The following PRRC2B variants were observed in gnomAD, a reference collection of about 807,000 sequenced individuals.
PRRC2B encodes the protein proline rich coiled-coil 2B.
In PRRC2B, 68 loss-of-function variants were observed where a neutral mutation model predicts 242.3. The ratio of observed to expected loss-of-function variants is 0.28; its 90% CI spans 0.23 to 0.34. The LOEUF is 0.34. Among genes scored for constraint, PRRC2B ranks in the 10% least tolerant of loss-of-function variants. The pLI is 1.00. For synonymous variants in PRRC2B, 1,228 were observed against 1,173.6 expected (o/e 1.05, Z -0.95); for missense variants, 2,835 against 2,954.8 (o/e 0.96, Z 0.94).
At chr9:131,400,882 G>C (rs2131283149) in intron 1 of PRRC2B, among the ~76,000 whole-genome samples, 1 of 152,132 alleles carries the variant, frequency 6.6e-6, no homozygotes, top group East Asian at 1.9e-4. Flanking sequence ...GACTCCTGGG[G>C]AGATCCTGGT....
chr9:131,406,055 G>C (rs1191115651), intron 1 of PRRC2B, among the ~76,000 whole-genome samples: 1 of 152,182 alleles, frequency 6.6e-6, no homozygotes, highest in Admixed American at 6.5e-5. Context: ...GCTCTCCATA[G>C]ACCGCAGCTA....
chr9:131,497,335 A>G lies in PRRC2B; in HGVS notation c.*1461A>G, dbSNP rs1208851471. 2 of 152,250 alleles carry G rather than the reference A, an allele frequency of 1.3e-5. No homozygotes were observed. Among genetic ancestry groups the G allele is most frequent in the Admixed American group, 1.3e-4 (2 of 15,284 alleles). The allele number at this position is 152,250 out of a possible 1,614,324, so 9.4% of individuals were successfully genotyped here. A position where few individuals can be genotyped will look rare whatever the true frequency, so the allele number is the denominator to read the frequency against. The stretch of plus-strand genomic sequence containing the variant: ...TGCTGGGCTTGTTTTTAAGTAAGAA[A>G]CAAGGAAATCACTCCAGATTCTGTC... On this transcript the variant is annotated 3_prime_UTR_variant, in exon 32 of 32. Transcript: ENST00000683519.
Position 131,482,548 on chromosome 9 carries a change from C to A in PRRC2B, c.5161C>A (p.Pro1721Thr). ...CAGCCACAAGGAGCAGGCTCCAAAG[C>A]CATCTGAGCAGAAGGTAACCTGGAC... ...ADSHKEQAPK[P>T]SEQKDSEQGS... is the part of the protein sequence containing the mutation. The change falls in exon 21 of 32, where the codon CCA becomes ACA. Residue 1721 changes from proline (P) to threonine (T), a missense_variant. Coordinates refer to ENST00000683519, the MANE Select transcript of PRRC2B (RefSeq NM_013318.4). This position sits in a 1 kb window ranked among gnomAD's most constrained non-coding sequence, Gnocchi z 5.2. 1.2e-6 allele frequency: 2 copies of A among 1,601,140 alleles called. No individual in the cohort carries two copies. Among genetic ancestry groups the A allele is most frequent in the Non-Finnish European group, 1.7e-6 (2 of 1,171,620 alleles).
chr9:131,432,010 T>G (rs1160109720), intron 2 of PRRC2B, among the ~76,000 whole-genome samples: 2 of 151,942 alleles, frequency 1.3e-5, no homozygotes, highest in Non-Finnish European at 2.9e-5. Context: ...CCCAGGCTGG[T>G]CTCGAACTCC....
At chr9:131,455,969 C>G (rs561107977) in intron 10 of PRRC2B, among the ~76,000 whole-genome samples, 121 of 152,028 alleles carry the variant, frequency 8.0e-4, no homozygotes, top group Non-Finnish European at 1.5e-3. Context: ...AAAAATTAAC[C>G]AGGTGTGGTG....
intron 3 of PRRC2B, among the ~76,000 whole-genome samples, chr9:131,434,578 G>C (rs1476999352): frequency 6.6e-6 from 1 of 152,246 alleles, no homozygotes; most frequent in Non-Finnish European, 1.5e-5. Context: ...TTCTCTTTTA[G>C]GTAGAAGGAG....
At chr9:131,448,549 A>AAAAAAAAAAAC (rs1838893732) in intron 9 of PRRC2B, among the ~76,000 whole-genome samples, 1 of 85,874 alleles carries the variant, frequency 1.2e-5, no homozygotes, top group African/African-American at 4.4e-5. Context: ...GTCTCAAAAA[A>AAAAAAAAAAAC]AAAAAAAAAA....
In PRRC2B at chr9:131,446,297, T is replaced by A; in HGVS notation, c.614-104T>A. On this transcript the variant is annotated intron_variant, in intron 6 of 31. Coordinates refer to ENST00000683519, the MANE Select transcript of PRRC2B (RefSeq NM_013318.4). The surrounding 1 kb of genome is among the most constrained non-coding windows in gnomAD (Gnocchi z 4.1). ...TTTTGGTGTTTTTTGTTTTTCATTT[T>A]ATTTTTTTGGTGAAGGAGGGGGTCC... 2 of 1,400,080 alleles carry A rather than the reference T, an allele frequency of 1.4e-6. No individual in the cohort carries two copies. The highest frequency in any genetic ancestry group is 1.9e-6 in the Non-Finnish European group (2 of 1,040,850). 86.7% of individuals were successfully genotyped at this position (1,400,080 alleles called of 1,614,324 possible).
intron 5 of PRRC2B, among the ~76,000 whole-genome samples, chr9:131,443,131 ATT>A (rs1361343031): frequency 2.2e-4 from 23 of 102,578 alleles, no homozygotes; most frequent in Non-Finnish European, 3.4e-4. Flanking sequence ...ATTTTATTTT[ATT>A]TTATTATTTT....
Position 131,458,315 on chromosome 9 carries a change from A to G in PRRC2B, c.1212-849A>G, listed in dbSNP as rs549443208. On this transcript the variant is annotated intron_variant, in intron 10 of 31. Coordinates refer to ENST00000683519, the MANE Select transcript of PRRC2B (RefSeq NM_013318.4). ...TCAAATCTGTGAGCTCCTCCCTGTG[A>G]GGGGTGCCCCGTTAACCTTGATGAG... is the stretch of plus-strand genomic sequence containing the variant. Among the ~76,000 whole-genome samples, 9 of 152,180 alleles carry G rather than the reference A, an allele frequency of 5.9e-5. No individual in the cohort carries two copies. The South Asian group carries it at 1.9e-3, about 32-fold the overall frequency.
At chr9:131,380,715 A>G (rs1836746286) in intron 1 of PRRC2B, among the ~76,000 whole-genome samples, 1 of 151,622 alleles carries the variant, frequency 6.6e-6, no homozygotes, top group African/African-American at 2.4e-5. Context: ...CATCTCTACT[A>G]AAAATACAAA....
chr9:131,403,909 G>A (rs1482373583), intron 1 of PRRC2B, among the ~76,000 whole-genome samples: 2 of 152,008 alleles, frequency 1.3e-5, no homozygotes, highest in African/African-American at 2.4e-5. Flanking sequence ...ATTTTTAAGC[G>A]TAACTTCTCT....
rs186341347 is a variant in PRRC2B at position 131,489,236 on chromosome 9, G to A, written c.6225+1140G>A. 2.0e-3 allele frequency among the ~76,000 whole-genome samples: 305 copies of A among 149,730 alleles called. 2 individuals are homozygous for A. Among genetic ancestry groups the A allele is most frequent in the African/African-American group, 7.1e-3 (289 of 40,424 alleles). On this transcript the variant is annotated intron_variant, in intron 28 of 31. Coordinates refer to ENST00000683519, the MANE Select transcript of PRRC2B (RefSeq NM_013318.4). ...GTTTCGCTCTGTTGCCCAGGCTGGA[G>A]TGCAGTGGCGCAATCTCGGCTCACT...
intron 1 of PRRC2B, among the ~76,000 whole-genome samples, chr9:131,411,198 A>G (rs1435118725): frequency 1.3e-5 from 2 of 151,746 alleles, no homozygotes; most frequent in Non-Finnish European, 1.5e-5. Flanking sequence ...TGGAGATTGC[A>G]GTGAGCCGAG....
chr9:131,435,696 G>C (rs1428510022), intron 3 of PRRC2B, among the ~76,000 whole-genome samples: 1 of 151,926 alleles, frequency 6.6e-6, no homozygotes, highest in Non-Finnish European at 1.5e-5. Flanking sequence ...CCATATGAGA[G>C]ACTGGTTAAA....
chr9:131,430,004 C>T (rs1838080237), intron 1 of PRRC2B, 90 bp from the exon 2 acceptor site: 2 of 616,530 alleles, frequency 3.2e-6, no homozygotes, highest in Non-Finnish European at 5.7e-6. Flanking sequence ...GTGAAGGATT[C>T]ACTCCTCTGG....
At chr9:131,381,743 TTTA>T (rs143308295) in intron 1 of PRRC2B, among the ~76,000 whole-genome samples, 3,982 of 151,134 alleles carry the variant, frequency 0.026, 157 homozygotes, top group African/African-American at 0.089. Flanking sequence ...GTTTGTTATT[TTTA>T]TTATTGTTTT....
chr9:131,396,310 TTTTTC>T lies in PRRC2B; in HGVS notation c.-52+2062_-52+2066del, dbSNP rs1183746168. 4.8e-3 allele frequency among the ~76,000 whole-genome samples: 586 copies of T among 122,832 alleles called. 5 individuals are homozygous for T. Among genetic ancestry groups the T allele is most frequent in the African/African-American group, 0.016 (567 of 34,498 alleles). 80.6% of individuals were successfully genotyped at this position (122,832 alleles called of 152,430 possible). ...CCTTTTCCTTCCTTCCCTTCCTTCTTTTTTCTTTTCTTTTCTTTTTTTTTTTTTTT... is the reference window on the plus strand; with the variant it reads ...CCTTTTCCTTCCTTCCCTTCCTTCTTTTTTCTTTTCTTTTTTTTTTTTTTT... On this transcript the variant is annotated intron_variant, in intron 1 of 31. Transcript: ENST00000683519.
Position 131,498,642 on chromosome 9 carries a change from C to T in PRRC2B, c.*2768C>T, listed in dbSNP as rs1311003959. The T allele has an allele frequency of 2.0e-5, 3 of 152,264 alleles. No individual in the cohort carries two copies. The highest frequency in any genetic ancestry group is 7.2e-5 in the African/African-American group (3 of 41,458). The allele number at this position is 152,264 out of a possible 1,614,324, so 9.4% of individuals were successfully genotyped here. On this transcript the variant is annotated 3_prime_UTR_variant, in exon 32 of 32. Transcript: ENST00000683519. The stretch of plus-strand genomic sequence containing the variant: ...CTCAGAGCGCAGATACATGCAGAGG[C>T]TTCTGCCAGGATACCACGGGGCCTT...
Sources: allele counts gnomAD v4.1 joint callset (sites outside exome capture counted in the v4.1 genomes callset), GRCh38; gene constraint gnomAD v4.1.1; non-coding constraint Gnocchi (gnomAD v3.1); transcripts MANE v1.5; gene names NCBI Gene and HGNC (gene_info 2026-07-23, HGNC 2026-07-21).